Variants in DRC11 observed in about 807,000 individuals in gnomAD.
DRC11 encodes the protein dynein regulatory complex subunit 11.
chr2:236,472,490 A>G, the DRC11 span, among the ~76,000 whole-genome samples: 1 of 152,202 alleles, frequency 6.6e-6, no homozygotes, highest in Non-Finnish European at 1.5e-5. The surrounding 1 kb of genome is among the most constrained non-coding windows in gnomAD (Gnocchi z 4.6). Context: ...TCAGTTGCAC[A>G]TGTATTTTAC....
chr2:236,491,641 C>G, the DRC11 span, among the ~76,000 whole-genome samples: 1 of 152,102 alleles, frequency 6.6e-6, no homozygotes, highest in Non-Finnish European at 1.5e-5. Context: ...CAAAGGGATT[C>G]CTTTCAGGGA....
the DRC11 span, among the ~76,000 whole-genome samples, chr2:236,419,442 T>C: frequency 6.6e-6 from 1 of 152,230 alleles, no homozygotes; most frequent in East Asian, 1.9e-4. The surrounding 1 kb of genome is among the most constrained non-coding windows in gnomAD (Gnocchi z 4.8). Context: ...GCCTACCATC[T>C]ACCCTTAGCT....
At chr2:236,317,094 G>A in the DRC11 span, among the ~76,000 whole-genome samples, 10 of 152,086 alleles carry the variant, frequency 6.6e-5, no homozygotes, top group African/African-American at 9.7e-5. This position sits in a 1 kb window ranked among gnomAD's most constrained non-coding sequence, Gnocchi z 5.4. Context: ...TCAGGAGATC[G>A]AGACCATCCT....
the DRC11 span, among the ~76,000 whole-genome samples, chr2:236,397,178 T>C: frequency 3.3e-5 from 5 of 152,250 alleles, no homozygotes; most frequent in Non-Finnish European, 4.4e-5. The surrounding 1 kb of genome is among the most constrained non-coding windows in gnomAD (Gnocchi z 5.0). Flanking sequence ...TGTGTTCTTT[T>C]CCTAGTGTCT....
At chr2:236,507,280 T>C in the DRC11 span, 1 of 1,613,982 alleles carries the variant, frequency 6.2e-7, no homozygotes, top group Non-Finnish European at 8.5e-7. Flanking sequence ...CTGGCTACTT[T>C]CCCTCTTTTC....
At chr2:236,430,950 A>C in the DRC11 span, among the ~76,000 whole-genome samples, 2 of 152,194 alleles carry the variant, frequency 1.3e-5, no homozygotes, top group Non-Finnish European at 2.9e-5. The surrounding 1 kb of genome is among the most constrained non-coding windows in gnomAD (Gnocchi z 6.0). Context: ...TTAAAAGTGC[A>C]CTTTACTGGC....
chr2:236,430,785 T>G, the DRC11 span, among the ~76,000 whole-genome samples: 5 of 152,220 alleles, frequency 3.3e-5, no homozygotes, highest in East Asian at 9.6e-4. The surrounding 1 kb of genome is among the most constrained non-coding windows in gnomAD (Gnocchi z 6.0). Flanking sequence ...CTGCCAGCAG[T>G]GTAGGAGTGG....
the DRC11 span, among the ~76,000 whole-genome samples, chr2:236,446,609 G>A: frequency 6.6e-6 from 1 of 152,170 alleles, no homozygotes; most frequent in East Asian, 1.9e-4. This position sits in a 1 kb window ranked among gnomAD's most constrained non-coding sequence, Gnocchi z 6.2. Context: ...CTGTCCTTTG[G>A]ATGCTTGGAC....
At chr2:236,307,890 G>A in the DRC11 span, among the ~76,000 whole-genome samples, 1 of 152,230 alleles carries the variant, frequency 6.6e-6, no homozygotes, top group Non-Finnish European at 1.5e-5. The surrounding 1 kb of genome is among the most constrained non-coding windows in gnomAD (Gnocchi z 7.0). Flanking sequence ...AATGCACAGT[G>A]ACACAGGTGT....
At chr2:236,358,224 C>T in the DRC11 span, among the ~76,000 whole-genome samples, 1 of 124,788 alleles carries the variant, frequency 8.0e-6, no homozygotes, top group Non-Finnish European at 1.6e-5. Flanking sequence ...ATATTATATA[C>T]TGTATGAATA....
At chr2:236,399,701 G>A in the DRC11 span, among the ~76,000 whole-genome samples, 4 of 152,114 alleles carry the variant, frequency 2.6e-5, no homozygotes, top group African/African-American at 7.2e-5. The surrounding 1 kb of genome is among the most constrained non-coding windows in gnomAD (Gnocchi z 7.0). Flanking sequence ...TGCTGATACC[G>A]GCTTTCTCTT....
At chr2:236,491,757 G>A in the DRC11 span, among the ~76,000 whole-genome samples, 3 of 152,092 alleles carry the variant, frequency 2.0e-5, no homozygotes, top group African/African-American at 7.2e-5. Flanking sequence ...AGTTGGCTTT[G>A]GAATGGACTT....
the DRC11 span, chr2:236,324,470 T>C: frequency 9.0e-6 from 4 of 443,558 alleles, no homozygotes; most frequent in Non-Finnish European, 1.6e-5. This position sits in a 1 kb window ranked among gnomAD's most constrained non-coding sequence, Gnocchi z 5.7. Context: ...CAGCTAGGTG[T>C]CCAGCCTGGG....
the DRC11 span, among the ~76,000 whole-genome samples, chr2:236,387,879 T>C: frequency 1.3e-5 from 2 of 152,192 alleles, no homozygotes; most frequent in African/African-American, 4.8e-5. Flanking sequence ...ATCTGCAGCA[T>C]TTGCTTGTCT....
the DRC11 span, among the ~76,000 whole-genome samples, chr2:236,482,953 A>G: frequency 6.6e-6 from 1 of 152,178 alleles, no homozygotes; most frequent in Non-Finnish European, 1.5e-5. This position sits in a 1 kb window ranked among gnomAD's most constrained non-coding sequence, Gnocchi z 4.5. Flanking sequence ...AAGTAGTGTT[A>G]ACTATAATCA....
chr2:236,421,229 T>C, the DRC11 span, among the ~76,000 whole-genome samples: 4 of 151,654 alleles, frequency 2.6e-5, no homozygotes, highest in African/African-American at 9.7e-5. Flanking sequence ...CTGAAGGAAA[T>C]AGAGACACAA....
chr2:236,417,145 C>T, the DRC11 span, among the ~76,000 whole-genome samples: 1 of 152,176 alleles, frequency 6.6e-6, no homozygotes, highest in South Asian at 2.1e-4. Context: ...GCTGGGATTA[C>T]AGGCGTGAGC....
At chr2:236,363,730 G>A in the DRC11 span, 2 of 1,372,352 alleles carry the variant, frequency 1.5e-6, no homozygotes, top group Non-Finnish European at 2.1e-6. The surrounding 1 kb of genome is among the most constrained non-coding windows in gnomAD (Gnocchi z 5.6). Context: ...GTTTGAAAAT[G>A]TAATTTGAAA....
chr2:236,400,735 C>T, the DRC11 span, among the ~76,000 whole-genome samples: 1 of 152,202 alleles, frequency 6.6e-6, no homozygotes, highest in Non-Finnish European at 1.5e-5. The surrounding 1 kb of genome is among the most constrained non-coding windows in gnomAD (Gnocchi z 7.9). Context: ...CTGATGGGCT[C>T]TTCCGTTTCT....
Sources: gnomAD v4.1 joint callset for allele counts (sites outside exome capture counted in the v4.1 genomes callset) on GRCh38, gnomAD v4.1.1 for gene constraint, Gnocchi (gnomAD v3.1) non-coding constraint, MANE v1.5 for transcripts, NCBI Gene and HGNC (gene_info 2026-07-23, HGNC 2026-07-21) for gene names.